FHOD3: variants seen among roughly 807,000 people sequenced by gnomAD.
FHOD3 encodes FH1/FH2 domain-containing protein 3.
A neutral mutation model predicts 173.0 loss-of-function variants in FHOD3; 90 were observed. The ratio of observed to expected loss-of-function variants is 0.52; its 90% CI spans 0.44 to 0.62. FHOD3 has a LOEUF of 0.62. Ranked by LOEUF, FHOD3 falls within the 20% of genes least tolerant of loss-of-function variation. The pLI is 0.00. For missense variants in FHOD3, 1,945 were observed against 2,034.7 expected (o/e 0.96, Z 0.85); for synonymous variants, 828 against 823.0 (o/e 1.01, Z -0.10).
chr18:36,335,543 T>G (rs537525232), intron 1 of FHOD3, among the ~76,000 whole-genome samples: 27 of 151,830 alleles, frequency 1.8e-4, no homozygotes, highest in Admixed American at 3.3e-4. Flanking sequence ...TTAAGAAAGT[T>G]TATGAATTTA....
At chr18:36,520,534 G>A (rs893796920) in intron 5 of FHOD3, among the ~76,000 whole-genome samples, 1 of 152,128 alleles carries the variant, frequency 6.6e-6, no homozygotes, top group African/African-American at 2.4e-5. Context: ...TCCTTCTTAG[G>A]TTGATTAGAT....
intron 10 of FHOD3, among the ~76,000 whole-genome samples, chr18:36,639,814 G>GTTTT (rs35647519): frequency 6.9e-6 from 1 of 145,904 alleles, no homozygotes; most frequent in Non-Finnish European, 1.5e-5. Context: ...AGAATAAAGT[G>GTTTT]TTTTTTTTTT....
At chr18:36,369,556 C>A (rs2047077462) in intron 2 of FHOD3, among the ~76,000 whole-genome samples, 1 of 138,618 alleles carries the variant, frequency 7.2e-6, no homozygotes, top group Admixed American at 7.4e-5. Flanking sequence ...TACAATAAGA[C>A]CAAATAAGGT....
At chr18:36,462,558 C>T (rs1477303406) in intron 3 of FHOD3, among the ~76,000 whole-genome samples, 2 of 151,706 alleles carry the variant, frequency 1.3e-5, no homozygotes, top group African/African-American at 4.9e-5. Flanking sequence ...GTCTCAATCT[C>T]CTGAGCTTGT....
chr18:36,590,430 A>C (rs750453966), intron 6 of FHOD3, among the ~76,000 whole-genome samples: 1 of 152,238 alleles, frequency 6.6e-6, no homozygotes, highest in Admixed American at 6.5e-5. Context: ...AAGTTGATGC[A>C]GTAATGCTAG....
intron 21 of FHOD3, 34 bp from the exon 22 acceptor site, chr18:36,742,703 A>G: frequency 6.3e-7 from 1 of 1,593,702 alleles, no homozygotes; most frequent in Middle Eastern, 1.7e-4. Context: ...CAAATTGTAC[A>G]CTCTTTATTG....
chr18:36,542,275 G>A (rs1319026120), intron 5 of FHOD3, among the ~76,000 whole-genome samples: 3 of 152,104 alleles, frequency 2.0e-5, no homozygotes, highest in Non-Finnish European at 4.4e-5. Flanking sequence ...CACGGTTAAT[G>A]TGTTTTTCAT....
chr18:36,322,523 G>A (rs2144987701), intron 1 of FHOD3, among the ~76,000 whole-genome samples: 1 of 152,270 alleles, frequency 6.6e-6, no homozygotes, highest in Admixed American at 6.5e-5. Flanking sequence ...GGACCCAAAA[G>A]AAAGAGCAGG....
intron 14 of FHOD3, 72 bp from the exon 15 acceptor site, chr18:36,681,364 C>G: frequency 6.3e-7 from 1 of 1,577,402 alleles, no homozygotes; most frequent in South Asian, 1.2e-5. Flanking sequence ...TAACCAAGGT[C>G]TGACTGGTGC....
chr18:36,408,910 G>A (rs1304116999), intron 3 of FHOD3, among the ~76,000 whole-genome samples: 1 of 152,192 alleles, frequency 6.6e-6, no homozygotes, highest in Non-Finnish European at 1.5e-5. Context: ...GAGGCAAGTG[G>A]TCACAATGGC....
chr18:36,381,521 G>A (rs995683641), intron 3 of FHOD3, among the ~76,000 whole-genome samples: 1 of 152,224 alleles, frequency 6.6e-6, no homozygotes, highest in African/African-American at 2.4e-5. Context: ...CCGAGAGGAG[G>A]ATGAGGGTGC....
intron 3 of FHOD3, among the ~76,000 whole-genome samples, chr18:36,406,095 G>GT (rs869207082): frequency 5.0e-5 from 6 of 120,066 alleles, no homozygotes; most frequent in Admixed American, 8.2e-5. Context: ...TTTTGTTTTT[G>GT]TTTTTTTGTT....
chr18:36,406,098 T>G (rs1272375863), intron 3 of FHOD3, among the ~76,000 whole-genome samples: 1 of 149,666 alleles, frequency 6.7e-6, no homozygotes, highest in Non-Finnish European at 1.5e-5. Flanking sequence ...TGTTTTTGTT[T>G]TTTTGTTTTT....
intron 8 of FHOD3, among the ~76,000 whole-genome samples, chr18:36,607,205 A>T (rs2148555604): frequency 6.6e-6 from 1 of 152,216 alleles, no homozygotes; most frequent in Non-Finnish European, 1.5e-5. Flanking sequence ...CTTCTTTTAG[A>T]TCTAGGTTGA....
intron 20 of FHOD3, among the ~76,000 whole-genome samples, 192 bp from the exon 21 acceptor site, chr18:36,740,464 A>C (rs942224184): frequency 6.6e-6 from 1 of 152,112 alleles, no homozygotes. Flanking sequence ...CTTGCCTAGA[A>C]TGTCCTATGT....
At chr18:36,440,284 T>C (rs889019839) in intron 3 of FHOD3, among the ~76,000 whole-genome samples, 1 of 152,190 alleles carries the variant, frequency 6.6e-6, no homozygotes, top group Admixed American at 6.5e-5. Flanking sequence ...GGCCCAGCTG[T>C]CATCTTCTGC....
chr18:36,486,411 G>A lies in FHOD3; in HGVS notation c.338-15521G>A, dbSNP rs569138666. ...AGGGTCTTGCTCTGTCTCCCAGCCT[G>A]GAGTGCAGTAGCACGATTATAGCTT... On this transcript the variant is annotated intron_variant, in intron 3 of 28. Coordinates refer to ENST00000590592, the MANE Select transcript of FHOD3 (RefSeq NM_001281740.3). Among the ~76,000 whole-genome samples, 274 of 152,302 alleles carry A rather than the reference G, an allele frequency of 1.8e-3. 1 individual carries two copies. The highest frequency in any genetic ancestry group is 6.5e-3 in the African/African-American group (271 of 41,578).
At chr18:36,711,331 G>T (rs1184354033) in intron 18 of FHOD3, 1 of 152,170 alleles carries the variant, frequency 6.6e-6, no homozygotes, top group African/African-American at 2.4e-5. Flanking sequence ...TATTTCTAAT[G>T]ATTATGTCAA....
chr18:36,477,943 C>T (rs1464311832), intron 3 of FHOD3, among the ~76,000 whole-genome samples: 9 of 152,148 alleles, frequency 5.9e-5, no homozygotes, highest in African/African-American at 1.9e-4. Flanking sequence ...GATGTCCTGG[C>T]CCAACATGTG....
Sources: allele counts gnomAD v4.1 joint callset (sites outside exome capture counted in the v4.1 genomes callset), GRCh38; gene constraint gnomAD v4.1.1; transcripts MANE v1.5; gene names NCBI Gene and HGNC (gene_info 2026-07-23, HGNC 2026-07-21).